The following G3BP2 variants were observed in gnomAD, a reference collection of about 807,000 sequenced individuals.
G3BP2 encodes ras GTPase-activating protein-binding protein 2.
In G3BP2, 11 loss-of-function variants were observed where a neutral mutation model predicts 56.7. That is an observed-to-expected ratio of 0.19 (90% confidence interval 0.12 to 0.32). The LOEUF is 0.32. G3BP2 is among the 10% of genes least tolerant of loss of function. G3BP2 has a pLI of 1.00. For missense variants in G3BP2, 340 were observed against 610.9 expected (o/e 0.56, Z 4.67); for synonymous variants, 165 against 191.6 (o/e 0.86, Z 1.15).
chr4:75,699,967 G>A (rs924406296), intron 3 of G3BP2, among the ~76,000 whole-genome samples: 5 of 151,814 alleles, frequency 3.3e-5, no homozygotes, highest in Non-Finnish European at 5.9e-5. Flanking sequence ...TCTAATCATC[G>A]CAAATGTAGA....
At chr4:75,721,577 G>A (rs1055488443) in intron 2 of G3BP2, among the ~76,000 whole-genome samples, 5 of 151,614 alleles carry the variant, frequency 3.3e-5, no homozygotes, top group African/African-American at 1.2e-4. Context: ...GATACTGAAG[G>A]GGCTTATAAC....
chr4:75,648,680 G>A lies in G3BP2; in HGVS notation c.887C>T (p.Pro296Leu), dbSNP rs756357623. ...AGGAGGAAAACCAGGTCGTTCTCTAGGTCGTTGTTCACGCACACGAGGTGG... is the reference window on the plus strand; with the variant it reads ...AGGAGGAAAACCAGGTCGTTCTCTAAGTCGTTGTTCACGCACACGAGGTGG... ...SQPPRVREQR[P>L]RERPGFPPRG... The change falls in exon 9 of 12, where the codon CCT becomes CTT. Residue 296 changes from proline to leucine, a missense_variant. Physicochemically the swap from Pro to Leu is moderately conservative, Grantham distance 98. This residue lies in a region of G3BP2 where 224 missense variants were observed against 332.5 expected (regional missense o/e 0.67). Transcript: ENST00000359707. 1.2e-6 allele frequency: 2 copies of A among 1,611,436 alleles called. No individual in the cohort carries two copies. Among genetic ancestry groups the A allele is most frequent in the South Asian group, 1.1e-5 (1 of 90,952 alleles).
intron 1 of G3BP2, among the ~76,000 whole-genome samples, chr4:75,666,614 G>A (rs1280828215): frequency 6.6e-6 from 1 of 152,128 alleles, no homozygotes; most frequent in East Asian, 1.9e-4. Context: ...GGTATTGCAG[G>A]AAATAAGACT....
upstream of G3BP2, among the ~76,000 whole-genome samples, chr4:75,674,459 C>G (rs1290200390): frequency 6.6e-6 from 1 of 151,836 alleles, no homozygotes. Flanking sequence ...ACATTAGGGC[C>G]TCCAAAGTCT....
intron 3 of G3BP2, among the ~76,000 whole-genome samples, chr4:75,691,361 G>A (rs1447925314): frequency 1.3e-5 from 2 of 152,082 alleles, no homozygotes; most frequent in Non-Finnish European, 2.9e-5. Flanking sequence ...ATTACCGGTT[G>A]TGAGCCACTG....
At chr4:75,666,996 A>T (rs938865508) in intron 1 of G3BP2, among the ~76,000 whole-genome samples, 1 of 152,210 alleles carries the variant, frequency 6.6e-6, no homozygotes, top group Non-Finnish European at 1.5e-5. Context: ...CTACAAAGAT[A>T]GCCAAGAAGG....
At chr4:75,710,457 A>C (rs1042206901) in intron 3 of G3BP2, among the ~76,000 whole-genome samples, 5 of 152,212 alleles carry the variant, frequency 3.3e-5, no homozygotes, top group African/African-American at 1.2e-4. Flanking sequence ...AAGTGAGCTA[A>C]CTTAGCTGGG....
rs757999471 is a variant in G3BP2, at chr4:75,656,873, A to G, written c.442+51T>C. 3 of 828,788 alleles carry G rather than the reference A, an allele frequency of 3.6e-6. No individual in the cohort carries two copies. In the South Asian group the frequency reaches 4.4e-5, roughly 12 times the overall value. The allele number at this position is 828,788 out of a possible 1,614,324, so 51.3% of individuals were successfully genotyped here. A position where few individuals can be genotyped will look rare whatever the true frequency, so the allele number is the denominator to read the frequency against. Reference sequence around the variant, plus strand: ...GTCATACTTATAGAAATTAGTCCATAAAGAGTACCAACAGAACCCTTCTAT... The same window carrying G: ...GTCATACTTATAGAAATTAGTCCATGAAGAGTACCAACAGAACCCTTCTAT... On this transcript the variant is annotated intron_variant, in intron 5 of 11. Transcript: ENST00000359707.
At chr4:75,677,089 T>C (rs1029515851), upstream of G3BP2, among the ~76,000 whole-genome samples, 2 of 152,236 alleles carry the variant, frequency 1.3e-5, no homozygotes, top group Non-Finnish European at 2.9e-5. Context: ...TTATATTACC[T>C]GATTCCTGAT....
intron 3 of G3BP2, among the ~76,000 whole-genome samples, chr4:75,692,349 T>C (rs1057378503): frequency 6.6e-6 from 1 of 152,102 alleles, no homozygotes; most frequent in Non-Finnish European, 1.5e-5. Flanking sequence ...TTTCGCTCTG[T>C]TGCCCAGGCT....
intron 3 of G3BP2, among the ~76,000 whole-genome samples, chr4:75,684,523 A>G (rs1718492141): frequency 6.6e-6 from 1 of 152,278 alleles, no homozygotes; most frequent in East Asian, 1.9e-4. Flanking sequence ...GCTCTAAACT[A>G]GAAGTTTTTT....
intron 1 of G3BP2, 171 bp downstream of exon 1, chr4:75,673,037 T>C: frequency 1.0e-6 from 1 of 992,458 alleles, no homozygotes; most frequent in Non-Finnish European, 1.2e-6. Context: ...AAGACTGGTC[T>C]TCTCTCACGC....
At chr4:75,716,937 C>T (rs1165867203) in intron 3 of G3BP2, among the ~76,000 whole-genome samples, 1 of 152,210 alleles carries the variant, frequency 6.6e-6, no homozygotes, top group Admixed American at 6.5e-5. Flanking sequence ...TTACAATCTT[C>T]TCATCTTCCA....
At chr4:75,693,836 G>A (rs951975652) in intron 3 of G3BP2, among the ~76,000 whole-genome samples, 2 of 148,786 alleles carry the variant, frequency 1.3e-5, no homozygotes, top group African/African-American at 2.5e-5. Flanking sequence ...CTGGGCTCAC[G>A]CAATCCTCAG....
intron 3 of G3BP2, among the ~76,000 whole-genome samples, chr4:75,703,035 C>T (rs989219066): frequency 6.6e-6 from 1 of 152,162 alleles, no homozygotes; most frequent in South Asian, 2.1e-4. Context: ...TCCTTAAAAT[C>T]ACCCACATTC....
intron 3 of G3BP2, among the ~76,000 whole-genome samples, chr4:75,692,587 G>A (rs1387062441): frequency 2.0e-5 from 3 of 152,150 alleles, no homozygotes; most frequent in Non-Finnish European, 2.9e-5. Context: ...TGAGATTACA[G>A]GTGTGAGCCA....
intron 3 of G3BP2, among the ~76,000 whole-genome samples, chr4:75,697,343 A>G (rs2149090250): frequency 6.7e-6 from 1 of 148,244 alleles, no homozygotes; most frequent in South Asian, 2.2e-4. Context: ...CTTATGGATG[A>G]TATGATGTCT....
At chr4:75,710,226 G>C (rs946561194) in intron 3 of G3BP2, among the ~76,000 whole-genome samples, 1 of 151,934 alleles carries the variant, frequency 6.6e-6, no homozygotes, top group East Asian at 2.0e-4. Context: ...ACCTCCCAAA[G>C]TGCTGGGATT....
In G3BP2 at chr4:75,711,472, G is replaced by A. The variant is rs190880108; in HGVS notation, c.-25+9405C>T. The stretch of plus-strand genomic sequence containing the variant: ...TCACGCCTATAATCCCAGCACTTTG[G>A]GAGGCCAAGGTGGGCGGATCACCTG... On this transcript the variant is annotated intron_variant, in intron 3 of 3. Coordinates refer to the G3BP2 transcript ENST00000499709. Among the ~76,000 whole-genome samples, 297 of 152,048 alleles carry A rather than the reference G, an allele frequency of 2.0e-3. 1 individual carries two copies. The highest frequency in any genetic ancestry group is 6.8e-3 in the Middle Eastern group (2 of 292).
Sources: gnomAD v4.1 joint callset for allele counts (sites outside exome capture counted in the v4.1 genomes callset) on GRCh38, gnomAD v4.1.1 for gene constraint, gnomAD v4.1.1 regional missense constraint, MANE v1.5 for transcripts, NCBI Gene and HGNC (gene_info 2026-07-23, HGNC 2026-07-21) for gene names.